Variants in PPP3CA observed in about 807,000 individuals in gnomAD.
The protein encoded by PPP3CA is protein phosphatase 3 catalytic subunit alpha, also known as CAM-PRP catalytic subunit.
PPP3CA carries 14 observed loss-of-function variants against 66.5 expected under a neutral mutation model. The ratio of observed to expected loss-of-function variants is 0.21; its 90% CI spans 0.14 to 0.33. The LOEUF (loss-of-function observed/expected upper bound fraction) is 0.33. Ranked by LOEUF, PPP3CA falls within the 10% of genes least tolerant of loss-of-function variation. The pLI is 1.00. For synonymous variants in PPP3CA, 232 were observed against 226.2 expected (o/e 1.03, Z -0.23); for missense variants, 317 against 639.5 (o/e 0.50, Z 5.44).
At position 101,347,047 on chromosome 4, in the gene PPP3CA, C is replaced by T. The variant is rs1233493285; in HGVS notation, c.-251G>A. The stretch of plus-strand genomic sequence containing the variant: ...CCCCGCCGACTCGCTCCGGGCTGCG[C>T]GTGTGTGGTGGTTATTTATTTATTT... On this transcript the variant is annotated 5_prime_UTR_variant, in exon 1 of 14. Transcript: ENST00000394854. The T allele has an allele frequency of 1.7e-6, 1 of 578,926 alleles. No individual in the cohort carries two copies. Among genetic ancestry groups the T allele is most frequent in the East Asian group, 3.1e-5 (1 of 32,004 alleles). The allele number at this position is 578,926 out of a possible 1,614,324, so 35.9% of individuals were successfully genotyped here. A position where few individuals can be genotyped will look rare whatever the true frequency, so the allele number is the denominator to read the frequency against.
chr4:101,152,906 G>T (rs1470779685), intron 2 of PPP3CA, among the ~76,000 whole-genome samples: 2 of 152,196 alleles, frequency 1.3e-5, no homozygotes, highest in Non-Finnish European at 2.9e-5. Context: ...GCATTAGATG[G>T]TATACTTCTG....
At chr4:101,065,197 A>G (rs961070287) in intron 8 of PPP3CA, among the ~76,000 whole-genome samples, 1 of 152,034 alleles carries the variant, frequency 6.6e-6, no homozygotes, top group African/African-American at 2.4e-5. Flanking sequence ...GCAAACTATC[A>G]TATCAATACT....
At chr4:101,166,880 T>G in intron 2 of PPP3CA, among the ~76,000 whole-genome samples, 1 of 152,340 alleles carries the variant, frequency 6.6e-6, no homozygotes, top group Non-Finnish European at 1.5e-5. Flanking sequence ...TTTATTTACT[T>G]TGTTGATATT....
chr4:101,280,087 T>C (rs1727631487), intron 1 of PPP3CA, among the ~76,000 whole-genome samples: 1 of 152,142 alleles, frequency 6.6e-6, no homozygotes, highest in Non-Finnish European at 1.5e-5. Flanking sequence ...TAGTAAGAAA[T>C]GGGAACACAT....
At chr4:101,049,083 T>C (rs1727898743) in intron 10 of PPP3CA, among the ~76,000 whole-genome samples, 1 of 152,130 alleles carries the variant, frequency 6.6e-6, no homozygotes, top group Non-Finnish European at 1.5e-5. Flanking sequence ...TACACTCAAA[T>C]GCCCAATAAC....
chr4:101,332,007 A>G (rs964862543), intron 1 of PPP3CA, among the ~76,000 whole-genome samples: 1 of 152,142 alleles, frequency 6.6e-6, no homozygotes, highest in Admixed American at 6.6e-5. Context: ...GCAAGAGAAA[A>G]AGGTTGAAAG....
At chr4:101,153,492 G>A (rs1311704185) in intron 2 of PPP3CA, among the ~76,000 whole-genome samples, 9 of 152,096 alleles carry the variant, frequency 5.9e-5, no homozygotes, top group Non-Finnish European at 4.4e-5. Context: ...TAAACACTTG[G>A]TACATGGAAT....
At chr4:101,338,662 T>C (rs2110340016) in intron 1 of PPP3CA, among the ~76,000 whole-genome samples, 1 of 152,302 alleles carries the variant, frequency 6.6e-6, no homozygotes, top group South Asian at 2.1e-4. Context: ...TCCTTTATTC[T>C]AAGTGAAGGT....
At chr4:101,114,406 C>T (rs1402028904) in intron 2 of PPP3CA, among the ~76,000 whole-genome samples, 5 of 152,038 alleles carry the variant, frequency 3.3e-5, no homozygotes, top group African/African-American at 1.2e-4. Context: ...GAGAAATAAC[C>T]TGTCATTTGT....
chr4:101,157,270 A>G (rs897625109), intron 2 of PPP3CA, among the ~76,000 whole-genome samples: 1 of 152,198 alleles, frequency 6.6e-6, no homozygotes, highest in African/African-American at 2.4e-5. Context: ...ATAAACAATG[A>G]ATTATTGGAT....
At chr4:101,063,769 A>G (rs1313392763) in intron 8 of PPP3CA, among the ~76,000 whole-genome samples, 2 of 151,934 alleles carry the variant, frequency 1.3e-5, no homozygotes, top group African/African-American at 2.4e-5. Flanking sequence ...AAAAAGTAAA[A>G]CTTCAATAGA....
At chr4:101,048,897 A>G (rs751946367) in intron 10 of PPP3CA, among the ~76,000 whole-genome samples, 2 of 152,134 alleles carry the variant, frequency 1.3e-5, no homozygotes, top group Non-Finnish European at 2.9e-5. Context: ...AAGAGCCTTT[A>G]AAATGTAATT....
chr4:101,108,738 C>T (rs775073544), intron 3 of PPP3CA, among the ~76,000 whole-genome samples: 6 of 152,202 alleles, frequency 3.9e-5, no homozygotes, highest in Non-Finnish European at 8.8e-5. Flanking sequence ...CACTGCACTC[C>T]AGCCTGGGCG....
chr4:101,028,951 A>G (rs1366843950), intron 13 of PPP3CA, among the ~76,000 whole-genome samples: 1 of 152,192 alleles, frequency 6.6e-6, no homozygotes, highest in East Asian at 1.9e-4. Flanking sequence ...TTCATCATAT[A>G]CAAAAGTCAA....
chr4:101,324,222 A>G (rs1202796456), intron 1 of PPP3CA, among the ~76,000 whole-genome samples: 5 of 126,284 alleles, frequency 4.0e-5, no homozygotes, highest in Admixed American at 7.8e-5. Context: ...GGAAGGAAGG[A>G]AAGGAGGGAA....
chr4:101,140,595 G>T (rs1722772252), intron 2 of PPP3CA, among the ~76,000 whole-genome samples: 1 of 151,942 alleles, frequency 6.6e-6, no homozygotes, highest in Non-Finnish European at 1.5e-5. Flanking sequence ...TGAAAAATTG[G>T]GCCCTAATAT....
chr4:101,289,870 A>G (rs868568823), intron 1 of PPP3CA, among the ~76,000 whole-genome samples: 129 of 141,832 alleles, frequency 9.1e-4, no homozygotes, highest in African/African-American at 2.8e-3. Flanking sequence ...ATGTCCGTGT[A>G]TGTGTGTGTG....
At position 101,063,306 on chromosome 4, in the gene PPP3CA, C is replaced by G; in HGVS notation, c.1007G>C (p.Cys336Ser). ...NNVMNIRQFNCSPHPYWLPNF... is the reference protein window; with the variant it reads ...NNVMNIRQFNSSPHPYWLPNF... ...TGGAAGCCAGTATGGATGAGGAGAA[C>G]AGTTGAATTGCCTGATATTCATAAC... is the stretch of plus-strand genomic sequence containing the variant. The change falls in exon 9 of 14, where the codon TGT becomes TCT. Residue 336 changes from cysteine (C) to serine (S), a missense_variant. By Grantham distance (112) the Cys-to-Ser change is moderately radical (BLOSUM62 -1). This residue lies in a region of PPP3CA where 201 missense variants were observed against 501.4 expected (regional missense o/e 0.40). Coordinates refer to ENST00000394854, the MANE Select transcript of PPP3CA (RefSeq NM_000944.5). 1 of 1,611,184 alleles carries G rather than the reference C, an allele frequency of 6.2e-7. No homozygotes were observed. The highest frequency in any genetic ancestry group is 8.5e-7 in the Non-Finnish European group (1 of 1,178,136).
At chr4:101,266,436 A>G (rs1451343187) in intron 1 of PPP3CA, among the ~76,000 whole-genome samples, 1 of 152,226 alleles carries the variant, frequency 6.6e-6, no homozygotes, top group Non-Finnish European at 1.5e-5. Flanking sequence ...CTACTAAATT[A>G]TAAGAATGGT....
Sources: gnomAD v4.1 joint callset for allele counts (sites outside exome capture counted in the v4.1 genomes callset) on GRCh38, gnomAD v4.1.1 for gene constraint, gnomAD v4.1.1 regional missense constraint, MANE v1.5 for transcripts, NCBI Gene and HGNC (gene_info 2026-07-23, HGNC 2026-07-21) for gene names.